HTR7: variants seen among roughly 807,000 people sequenced by gnomAD.
The protein encoded by HTR7 is 5-HT-7.
Under a neutral mutation model 34.0 loss-of-function variants are expected in HTR7, and 16 were observed. The observed-to-expected ratio is 0.47, with a 90% CI of 0.32 to 0.71. The LOEUF (loss-of-function observed/expected upper bound fraction) is 0.71. Ranked by LOEUF, HTR7 falls within the 30% of genes least tolerant of loss-of-function variation. HTR7 has a pLI of 0.04. For synonymous variants in HTR7, 265 were observed against 260.2 expected, an observed-to-expected ratio of 1.02 and a Z score of -0.18; for missense variants, 504 against 625.5, an observed-to-expected ratio of 0.81 and a Z score of 2.07.
chr10:90,782,465 G>T (rs1015448472), intron 1 of HTR7, among the ~76,000 whole-genome samples: 1 of 152,150 alleles, frequency 6.6e-6, no homozygotes, highest in African/African-American at 2.4e-5. Context: ...TGATGATGAT[G>T]ATGATGGCAA....
chr10:90,799,101 A>G (rs1015643563), intron 1 of HTR7, among the ~76,000 whole-genome samples: 2 of 152,134 alleles, frequency 1.3e-5, no homozygotes, highest in African/African-American at 4.8e-5. Context: ...AGCTGGCACC[A>G]TATAGATTGA....
At chr10:90,827,304 G>T (rs1037800886) in intron 1 of HTR7, among the ~76,000 whole-genome samples, 2 of 152,168 alleles carry the variant, frequency 1.3e-5, no homozygotes, top group African/African-American at 4.8e-5. Flanking sequence ...TCAGCACTTT[G>T]GGAGGCCAAG....
chr10:90,806,266 G>T (rs150944587), intron 1 of HTR7, among the ~76,000 whole-genome samples: 4 of 152,272 alleles, frequency 2.6e-5, no homozygotes, highest in Non-Finnish European at 5.9e-5. Flanking sequence ...CCTTGACGGG[G>T]TCATCCATGG....
intron 1 of HTR7, among the ~76,000 whole-genome samples, chr10:90,774,797 T>C (rs904923389): frequency 6.6e-6 from 1 of 152,218 alleles, no homozygotes; most frequent in African/African-American, 2.4e-5. Flanking sequence ...TGACAAACTT[T>C]CTTCATAAGC....
chr10:90,779,729 A>T (rs1022036718), intron 1 of HTR7, among the ~76,000 whole-genome samples: 17 of 152,274 alleles, frequency 1.1e-4, no homozygotes, highest in African/African-American at 3.9e-4. Flanking sequence ...AACATTTGTC[A>T]TTTCTCCTCA....
At chr10:90,810,893 C>T (rs1320360198) in intron 1 of HTR7, among the ~76,000 whole-genome samples, 1 of 152,196 alleles carries the variant, frequency 6.6e-6, no homozygotes, top group Admixed American at 6.5e-5. Context: ...GCTCTCTCTG[C>T]CGATCGTGTC....
At chr10:90,808,109 C>G (rs1845732082) in intron 1 of HTR7, among the ~76,000 whole-genome samples, 1 of 152,218 alleles carries the variant, frequency 6.6e-6, no homozygotes, top group African/African-American at 2.4e-5. Flanking sequence ...ATACGCCTCT[C>G]TGATTATTCA....
chr10:90,814,597 A>C (rs2119981709), intron 1 of HTR7, among the ~76,000 whole-genome samples: 1 of 152,380 alleles, frequency 6.6e-6, no homozygotes, highest in South Asian at 2.1e-4. Context: ...TGAAGAAAGA[A>C]AACAATGATA....
At chr10:90,824,396 C>T (rs548770178) in intron 1 of HTR7, among the ~76,000 whole-genome samples, 69 of 152,368 alleles carry the variant, frequency 4.5e-4, no homozygotes, top group African/African-American at 1.2e-3. Flanking sequence ...CACTGTGAGC[C>T]TTGGATGAGA....
intron 1 of HTR7, among the ~76,000 whole-genome samples, chr10:90,754,480 C>T (rs1844799285): frequency 6.6e-6 from 1 of 152,070 alleles, no homozygotes; most frequent in Non-Finnish European, 1.5e-5. Context: ...ATTTTATCCT[C>T]ACTGTTAATT....
intron 1 of HTR7, among the ~76,000 whole-genome samples, chr10:90,813,521 CA>C (rs55804411): frequency 2.2e-3 from 285 of 131,220 alleles, no homozygotes; most frequent in Admixed American, 2.2e-3. Flanking sequence ...GACTCCGTGT[CA>C]AAAAAAAAAA....
At chr10:90,759,187 C>CAAA (rs35551588) in intron 1 of HTR7, among the ~76,000 whole-genome samples, 1 of 119,604 alleles carries the variant, frequency 8.4e-6, no homozygotes, top group Non-Finnish European at 1.8e-5. Flanking sequence ...AACTCTGTCT[C>CAAA]AAAAAAAAAA....
At chr10:90,762,307 G>A (rs1844952600) in intron 1 of HTR7, among the ~76,000 whole-genome samples, 1 of 152,122 alleles carries the variant, frequency 6.6e-6, no homozygotes, top group Non-Finnish European at 1.5e-5. Flanking sequence ...GTTATTTCTT[G>A]TCTTTTTGAT....
intron 1 of HTR7, among the ~76,000 whole-genome samples, chr10:90,836,715 G>T (rs1220196723): frequency 2.1e-5 from 3 of 143,588 alleles, no homozygotes; most frequent in Middle Eastern, 3.4e-3. Context: ...TTGCTATATT[G>T]CCCAGGCCAG....
At chr10:90,830,962 T>A (rs1033284336) in intron 1 of HTR7, among the ~76,000 whole-genome samples, 1 of 152,188 alleles carries the variant, frequency 6.6e-6, no homozygotes, top group African/African-American at 2.4e-5. Flanking sequence ...CCGGTGCACC[T>A]TCAGAGTTCA....
At chr10:90,802,702 A>G (rs1446606073) in intron 1 of HTR7, among the ~76,000 whole-genome samples, 4 of 152,244 alleles carry the variant, frequency 2.6e-5, no homozygotes, top group African/African-American at 7.2e-5. Flanking sequence ...TCCCTTGTAC[A>G]CTCAAACTGC....
At chr10:90,805,592 T>C (rs906659736) in intron 1 of HTR7, among the ~76,000 whole-genome samples, 23 of 152,368 alleles carry the variant, frequency 1.5e-4, no homozygotes, top group African/African-American at 5.3e-4. Flanking sequence ...TGTTTGGAGA[T>C]GCAAATGTAG....
intron 1 of HTR7, among the ~76,000 whole-genome samples, chr10:90,809,374 G>C (rs1385708636): frequency 6.6e-6 from 1 of 152,138 alleles, no homozygotes; most frequent in Non-Finnish European, 1.5e-5. Flanking sequence ...CCCAGTTCAT[G>C]ACTCGTTTGG....
chr10:90,822,262 G>T (rs562741143), intron 1 of HTR7, among the ~76,000 whole-genome samples: 9 of 152,324 alleles, frequency 5.9e-5, no homozygotes, highest in African/African-American at 2.2e-4. Flanking sequence ...AGTCCAGGCT[G>T]AAGTCTCAGA....
Sources: allele counts gnomAD v4.1 joint callset (sites outside exome capture counted in the v4.1 genomes callset), GRCh38; gene constraint gnomAD v4.1.1; transcripts MANE v1.5; gene names NCBI Gene and HGNC (gene_info 2026-07-23, HGNC 2026-07-21).